Variants in GPD2 observed in about 807,000 individuals in gnomAD.
GPD2 encodes the protein glycerol-3-phosphate dehydrogenase, mitochondrial.
A neutral mutation model predicts 82.4 loss-of-function variants in GPD2; 54 were observed. The ratio of observed to expected loss-of-function variants is 0.66; its 90% CI spans 0.53 to 0.82. The LOEUF (loss-of-function observed/expected upper bound fraction) is 0.82, where lower values mean the gene tolerates loss of function less well. Among genes scored for constraint, GPD2 ranks in the 40% least tolerant of loss-of-function variants. GPD2 has a pLI of 0.00. For synonymous variants in GPD2, 288 were observed against 306.1 expected, an observed-to-expected ratio of 0.94 and a Z score of 0.62; for missense variants, 748 against 896.2, an observed-to-expected ratio of 0.83 and a Z score of 2.11.
chr2:156,551,934 A>T (rs990965781), intron 8 of GPD2, among the ~76,000 whole-genome samples: 3 of 152,206 alleles, frequency 2.0e-5, no homozygotes, highest in Non-Finnish European at 4.4e-5. Flanking sequence ...TAAAGGGAAT[A>T]TACAGCTTTT....
At chr2:156,519,878 G>A (rs1685335653) in intron 6 of GPD2, among the ~76,000 whole-genome samples, 2 of 152,250 alleles carry the variant, frequency 1.3e-5, no homozygotes, top group Admixed American at 1.3e-4. Flanking sequence ...TTTGGCAGTT[G>A]CCATCCAAGA....
intron 3 of GPD2, among the ~76,000 whole-genome samples, chr2:156,509,109 T>C (rs1684892485): frequency 6.6e-6 from 1 of 152,202 alleles, no homozygotes; most frequent in Non-Finnish European, 1.5e-5. Context: ...TTTTAATAGC[T>C]GAGAATTTTA....
At chr2:156,517,576 G>C (rs1054958236) in intron 6 of GPD2, among the ~76,000 whole-genome samples, 2 of 152,136 alleles carry the variant, frequency 1.3e-5, no homozygotes, top group Non-Finnish European at 2.9e-5. Flanking sequence ...TTGCCTAGAA[G>C]AGACCCACAG....
chr2:156,445,418 A>G (rs1174852817), intron 1 of GPD2, among the ~76,000 whole-genome samples: 1 of 152,222 alleles, frequency 6.6e-6, no homozygotes, highest in African/African-American at 2.4e-5. Flanking sequence ...GAACTGTGCC[A>G]TTTAACACTT....
intron 8 of GPD2, 31 bp from the exon 9 acceptor site, chr2:156,557,358 C>T: frequency 7.2e-7 from 1 of 1,395,048 alleles, no homozygotes; most frequent in South Asian, 1.2e-5. Context: ...CTGGGATTTT[C>T]AGAAATAAAT....
In GPD2 at chr2:156,502,219, G is replaced by C. The variant is rs571896437; in HGVS notation, c.274+6004G>C. On this transcript the variant is annotated intron_variant, in intron 3 of 16. Transcript: ENST00000438166. ...AAACATCATAAAACTATTAGAAGCA[G>C]GTATATGTAAATTTTTTTTAAAAAT... Among the ~76,000 whole-genome samples the C allele has an allele frequency of 3.3e-5, 5 of 151,872 alleles. No homozygotes were observed. The South Asian group carries it at 8.3e-4, about 25-fold the overall frequency.
intron 1 of GPD2, among the ~76,000 whole-genome samples, chr2:156,472,347 G>T (rs529349900): frequency 3.9e-5 from 6 of 152,112 alleles, no homozygotes; most frequent in African/African-American, 1.4e-4. Flanking sequence ...TTGAGACAGG[G>T]TCTTACTCTG....
At chr2:156,536,725 A>G (rs1284126124) in intron 6 of GPD2, among the ~76,000 whole-genome samples, 2 of 152,206 alleles carry the variant, frequency 1.3e-5, no homozygotes, top group Admixed American at 6.5e-5. Flanking sequence ...AGGCTTCCAG[A>G]CCAAGGAGTG....
At chr2:156,570,921 G>A (rs1687589843) in intron 12 of GPD2, among the ~76,000 whole-genome samples, 2 of 152,166 alleles carry the variant, frequency 1.3e-5, no homozygotes, top group Admixed American at 1.3e-4. Flanking sequence ...ATTAACTCTT[G>A]TCCAATTTTT....
intron 1 of GPD2, among the ~76,000 whole-genome samples, chr2:156,442,036 T>G (rs1682192771): frequency 1.3e-5 from 2 of 152,166 alleles, no homozygotes; most frequent in African/African-American, 2.4e-5. Context: ...TTTAGAACAA[T>G]GATTGTTTGA....
At chr2:156,473,011 A>G (rs1683384523) in intron 1 of GPD2, among the ~76,000 whole-genome samples, 1 of 152,230 alleles carries the variant, frequency 6.6e-6, no homozygotes, top group Non-Finnish European at 1.5e-5. Flanking sequence ...CCTAGTAAAT[A>G]ATAAATGGTG....
intron 6 of GPD2, among the ~76,000 whole-genome samples, chr2:156,526,859 T>A (rs1685628339): frequency 1.3e-5 from 2 of 152,122 alleles, no homozygotes; most frequent in African/African-American, 4.8e-5. Flanking sequence ...CCATAATGAT[T>A]GGTCTTCAGG....
Position 156,582,342 on chromosome 2 carries a change from A to G in GPD2, c.2059-451A>G, listed in dbSNP as rs139027653. Among the ~76,000 whole-genome samples, 98 of 152,082 alleles carry G rather than the reference A, an allele frequency of 6.4e-4. No homozygotes were observed. The East Asian group carries it at 0.018, about 27-fold the overall frequency. On this transcript the variant is annotated intron_variant, in intron 16 of 16. Transcript: ENST00000438166. Reference sequence around the variant, plus strand: ...GTTAAAAAGTCTTTAAGGAATTTGGATTTAGGGGACTCGAAGTTGTCAAGT... The same window carrying G: ...GTTAAAAAGTCTTTAAGGAATTTGGGTTTAGGGGACTCGAAGTTGTCAAGT...
At chr2:156,524,924 C>T (rs1326284732) in intron 6 of GPD2, among the ~76,000 whole-genome samples, 1 of 152,092 alleles carries the variant, frequency 6.6e-6, no homozygotes, top group Non-Finnish European at 1.5e-5. Context: ...TAGATAATTA[C>T]AGCATTTCAT....
intron 1 of GPD2, among the ~76,000 whole-genome samples, chr2:156,452,234 A>T (rs1682631016): frequency 6.6e-6 from 1 of 152,222 alleles, no homozygotes; most frequent in African/African-American, 2.4e-5. Context: ...GCGAGCCGAG[A>T]TCACGCCACC....
At chr2:156,439,511 C>CAAA (rs1682066249) in intron 1 of GPD2, among the ~76,000 whole-genome samples, 1 of 65,266 alleles carries the variant, frequency 1.5e-5, no homozygotes, top group Non-Finnish European at 2.6e-5. Context: ...GAGACTGTCT[C>CAAA]AGAAAAAAAA....
intron 1 of GPD2, among the ~76,000 whole-genome samples, chr2:156,469,314 C>A (rs1365542524): frequency 1.3e-5 from 2 of 152,186 alleles, no homozygotes; most frequent in Non-Finnish European, 2.9e-5. Context: ...AGGCACCCAC[C>A]ACCACGCCTG....
At chr2:156,422,854 T>C in the GPD2 span, among the ~76,000 whole-genome samples, 1 of 152,162 alleles carries the variant, frequency 6.6e-6, no homozygotes, top group Non-Finnish European at 1.5e-5. Context: ...TTACAGGACA[T>C]TATATTGATA....
chr2:156,519,219 G>C (rs531233627), intron 6 of GPD2, among the ~76,000 whole-genome samples: 2 of 151,524 alleles, frequency 1.3e-5, no homozygotes, highest in East Asian at 3.9e-4. Context: ...TTGGGGGGGG[G>C]CCACTAGTAA....
Sources: gnomAD v4.1 joint callset for allele counts (sites outside exome capture counted in the v4.1 genomes callset) on GRCh38, gnomAD v4.1.1 for gene constraint, MANE v1.5 for transcripts, NCBI Gene and HGNC (gene_info 2026-07-23, HGNC 2026-07-21) for gene names.